The following SI variants were observed in gnomAD, a reference collection of about 807,000 sequenced individuals.
SI encodes the protein sucrase-isomaltase.
SI carries 235 observed loss-of-function variants against 253.3 expected under a neutral mutation model. The ratio of observed to expected loss-of-function variants is 0.93; its 90% CI spans 0.83 to 1.03. SI has a LOEUF of 1.03. Ranked by LOEUF, SI falls within the 50% of genes least tolerant of loss-of-function variation. The pLI is 0.00. For missense variants in SI, 2,442 were observed against 2,211.1 expected, an observed-to-expected ratio of 1.10 and a Z score of -2.09; for synonymous variants, 819 against 712.0, an observed-to-expected ratio of 1.15 and a Z score of -2.39.
intron 37 of SI, among the ~76,000 whole-genome samples, chr3:165,005,913 G>A (rs1245677109): frequency 6.6e-6 from 1 of 152,012 alleles, no homozygotes; most frequent in African/African-American, 2.4e-5. Flanking sequence ...TGCCTGGCCA[G>A]AAGATTTCAA....
chr3:165,027,805 C>T (rs913205107), intron 25 of SI, among the ~76,000 whole-genome samples: 2 of 151,310 alleles, frequency 1.3e-5, no homozygotes, highest in African/African-American at 4.8e-5. Flanking sequence ...TAATAAAAAC[C>T]GTCTATGACA....
intron 9 of SI, among the ~76,000 whole-genome samples, chr3:165,061,322 G>C (rs2108252151): frequency 6.8e-6 from 1 of 147,264 alleles, no homozygotes; most frequent in South Asian, 2.1e-4. Flanking sequence ...TCTCTCTCTT[G>C]TTCATGTGAT....
rs149146622 is a variant in SI, at chr3:165,063,295, CA to C, written c.907+146del. 1,890 of 459,466 alleles carry C rather than the reference CA, an allele frequency of 4.1e-3. 28 individuals carry two copies. The highest frequency in any genetic ancestry group is 0.033 in the African/African-American group (1,613 of 48,990). The allele number at this position is 459,466 out of a possible 1,614,324, so 28.5% of individuals were successfully genotyped here. On this transcript the variant is annotated intron_variant, in intron 8 of 47. Transcript: ENST00000264382. ...CAAAAATTGATTTTGTCTTTAATTT[CA>C]AAATCTTCTTATAATAATGTCACAT...
intron 44 of SI, 94 bp downstream of exon 44, chr3:164,991,259 G>T: frequency 7.1e-7 from 1 of 1,400,626 alleles, no homozygotes; most frequent in Non-Finnish European, 1.0e-6. Context: ...CTAGCTTGGC[G>T]ATGGGTTAAA....
chr3:164,988,604 G>C (rs1008918379), intron 44 of SI, among the ~76,000 whole-genome samples: 1 of 152,074 alleles, frequency 6.6e-6, no homozygotes, highest in Non-Finnish European at 1.5e-5. Flanking sequence ...AATGGACCTG[G>C]GTGGGTCCAG....
At chr3:165,015,463 AG>A (rs1468915595) in intron 32 of SI, among the ~76,000 whole-genome samples, 4 of 152,120 alleles carry the variant, frequency 2.6e-5, no homozygotes, top group African/African-American at 9.7e-5. Flanking sequence ...AAGAAAGATT[AG>A]TAGAGGTTTT....
At chr3:164,998,824 C>A in intron 37 of SI, 151 bp from the exon 38 acceptor site, 2 of 697,378 alleles carry the variant, frequency 2.9e-6, no homozygotes, top group South Asian at 3.4e-5. Context: ...TGTCTTCTCT[C>A]ATTAAATTAT....
the SI span, among the ~76,000 whole-genome samples, chr3:165,085,580 A>G: frequency 1.1e-4 from 17 of 152,268 alleles, no homozygotes; most frequent in East Asian, 3.1e-3. Context: ...GATTTTTATG[A>G]CCATTCTAAC....
Position 165,055,237 on chromosome 3 carries a change from C to T in SI, c.1469G>A (p.Cys490Tyr). Residue 490 changes from cysteine to tyrosine, a missense_variant, in exon 13 of 48, where the codon TGC (cysteine) becomes TAC (tyrosine). Cys to Tyr is a radical substitution (Grantham distance 194). Coordinates refer to ENST00000264382, the MANE Select transcript of SI (RefSeq NM_001041.4). ...TTGCACTTCTTGATGGAAAATACTG[C>T]ATTCATTTGCCCACCAATCAATGCA... ...PNCIDWWANE[C>Y]SIFHQEVQYD... The T allele has an allele frequency of 6.2e-7, 1 of 1,611,712 alleles. No homozygotes were observed. Among genetic ancestry groups the T allele is most frequent in the Non-Finnish European group, 8.5e-7 (1 of 1,178,380 alleles).
At position 165,046,964 on chromosome 3, in the gene SI, G is replaced by A. The variant is rs1306634621; in HGVS notation, c.1764C>T (p.Arg588=). 6 of 1,611,992 alleles carry A rather than the reference G, an allele frequency of 3.7e-6. No homozygotes were observed. Among genetic ancestry groups the A allele is most frequent in the Non-Finnish European group, 5.1e-6 (6 of 1,178,996 alleles). ...GTCTTCCAGATCCAGCAAATGTTGA[G>A]CGGGTAAGAATGAAGCTTCTCTTAT... ...FPNKRSFILT[R]STFAGSGRHA... The change falls in exon 16 of 48, where the codon CGC becomes CGT. Residue 588 remains arginine, a synonymous_variant. Transcript: ENST00000264382.
the SI span, among the ~76,000 whole-genome samples, chr3:165,088,191 C>A: frequency 2.6e-5 from 4 of 151,656 alleles, no homozygotes; most frequent in African/African-American, 9.7e-5. Flanking sequence ...ACTAAAAATA[C>A]AAAAATTAGT....
chr3:165,056,445 A>G (rs1713698612), intron 12 of SI, among the ~76,000 whole-genome samples: 1 of 152,146 alleles, frequency 6.6e-6, no homozygotes, highest in Non-Finnish European at 1.5e-5. Flanking sequence ...CCTAAGAACC[A>G]AATTCAGGTG....
chr3:164,989,776 G>T (rs1717642545), intron 44 of SI, among the ~76,000 whole-genome samples: 1 of 152,038 alleles, frequency 6.6e-6, no homozygotes, highest in African/African-American at 2.4e-5. Flanking sequence ...ATACAACCCA[G>T]GTATCTCATG....
intron 44 of SI, among the ~76,000 whole-genome samples, chr3:164,988,252 T>C (rs527439179): frequency 6.6e-6 from 1 of 152,230 alleles, no homozygotes; most frequent in South Asian, 2.1e-4. Flanking sequence ...ATCTCTAGAG[T>C]TCAAATCTCC....
In SI at chr3:164,991,368, T is replaced by C. The variant is rs770694212; in HGVS notation, c.5093A>G (p.Gln1698Arg). 6.2e-7 allele frequency: 1 copy of C among 1,613,810 alleles called. No homozygotes were observed. Among genetic ancestry groups the C allele is most frequent in the Non-Finnish European group, 8.5e-7 (1 of 1,179,784 alleles). ...GTTCACTTACCTGTAAAATGTGTTTTGAGCTGGCTCTTGACATGGTAGGAT... is the reference window on the plus strand; with the variant it reads ...GTTCACTTACCTGTAAAATGTGTTTCGAGCTGGCTCTTGACATGGTAGGAT... ...GHILPCQEPA[Q>R]NTFYSRQKHM... The change falls in exon 44 of 48, where the codon CAA (glutamine) becomes CGA (arginine). Residue 1698 changes from glutamine (Q) to arginine (R), a missense_variant. By Grantham distance (43) the Gln-to-Arg change is conservative. Coordinates refer to ENST00000264382, the MANE Select transcript of SI (RefSeq NM_001041.4).
intron 37 of SI, among the ~76,000 whole-genome samples, chr3:165,000,799 T>C (rs928630476): frequency 5.9e-5 from 9 of 151,438 alleles, no homozygotes; most frequent in African/African-American, 2.2e-4. Flanking sequence ...TTTAAGTTAT[T>C]CTTGAGAAAC....
At chr3:165,071,248 T>C (rs569642407) in intron 3 of SI, among the ~76,000 whole-genome samples, 1 of 152,186 alleles carries the variant, frequency 6.6e-6, no homozygotes, top group African/African-American at 2.4e-5. Context: ...CTCCCTGTTG[T>C]TGCTTTCAAA....
At chr3:165,005,943 G>A (rs1718486368) in intron 37 of SI, among the ~76,000 whole-genome samples, 1 of 151,962 alleles carries the variant, frequency 6.6e-6, no homozygotes, top group South Asian at 2.1e-4. Flanking sequence ...AACTTGTATT[G>A]GAAAGTGCTA....
intron 4 of SI, 49 bp from the exon 5 acceptor site, chr3:165,068,880 A>T: frequency 1.7e-6 from 2 of 1,211,478 alleles, no homozygotes; most frequent in Non-Finnish European, 2.4e-6. Context: ...TTATAATGTT[A>T]ACAATTATTA....
Sources: gnomAD v4.1 joint callset for allele counts (sites outside exome capture counted in the v4.1 genomes callset) on GRCh38, gnomAD v4.1.1 for gene constraint, MANE v1.5 for transcripts, NCBI Gene and HGNC (gene_info 2026-07-23, HGNC 2026-07-21) for gene names.